Variants in NOCT observed in about 807,000 individuals in gnomAD.
NOCT encodes CCR4 carbon catabolite repression 4-like.
A neutral mutation model predicts 35.0 loss-of-function variants in NOCT; 18 were observed. The observed-to-expected ratio is 0.51, with a 90% CI of 0.36 to 0.76. The LOEUF is 0.76. NOCT is among the 30% of genes least tolerant of loss of function. The probability of loss-of-function intolerance (pLI) is 0.01; values close to 1 mark genes in which losing one functional copy is unlikely to be tolerated. For missense variants in NOCT, 479 were observed against 541.0 expected (o/e 0.89, Z 1.14); for synonymous variants, 235 against 226.3 (o/e 1.04, Z -0.34).
chr4:139,035,274 C>T (rs1308055226), intron 1 of NOCT, among the ~76,000 whole-genome samples: 1 of 152,086 alleles, frequency 6.6e-6, no homozygotes, highest in Non-Finnish European at 1.5e-5. Flanking sequence ...CAGTGCACAC[C>T]ACTACACCTG....
At chr4:139,033,057 T>TC (rs536488171) in intron 1 of NOCT, among the ~76,000 whole-genome samples, 211 of 151,242 alleles carry the variant, frequency 1.4e-3, no homozygotes, top group African/African-American at 4.9e-3. Context: ...AGAGCGAGAC[T>TC]CCATCTCCAA....
intron 1 of NOCT, among the ~76,000 whole-genome samples, chr4:139,019,536 A>C (rs930490705): frequency 6.6e-6 from 1 of 152,218 alleles, no homozygotes; most frequent in African/African-American, 2.4e-5. Context: ...AGAGACATTG[A>C]AGGGGCCAAA....
In NOCT at chr4:139,016,134, G is replaced by T. The variant is rs1393048162; in HGVS notation, c.153G>T (p.Ser51=). 4.7e-6 allele frequency: 6 copies of T among 1,281,592 alleles called. No homozygotes were observed. The highest frequency in any genetic ancestry group is 2.7e-5 in the South Asian group (1 of 36,426). 79.4% of individuals were successfully genotyped at this position (1,281,592 alleles called of 1,614,324 possible). Residue 51 remains serine (S), a synonymous_variant, in exon 1 of 3, where the codon TCG becomes TCT. Transcript: ENST00000280614. The part of the protein sequence containing the change: ...PASPRLLAAA[S]AASGAARSCS... ...CCCCCCGGCTGCTGGCGGCGGCCTC[G>T]GCGGCCTCGGGCGCCGCGAGGTCGT...
At chr4:139,035,417 T>C (rs914147027) in intron 1 of NOCT, among the ~76,000 whole-genome samples, 11 of 152,202 alleles carry the variant, frequency 7.2e-5, no homozygotes, top group African/African-American at 2.7e-4. Flanking sequence ...ATTACAGGCA[T>C]GAGCCACCAC....
chr4:139,029,363 G>A (rs1208643646), intron 1 of NOCT, among the ~76,000 whole-genome samples: 3 of 152,238 alleles, frequency 2.0e-5, no homozygotes, highest in Admixed American at 1.3e-4. Flanking sequence ...GTAAACAGTG[G>A]AGCCAGGATT....
chr4:139,045,901 C>A lies in NOCT; in HGVS notation c.*427C>A, dbSNP rs1383532370. The A allele has an allele frequency of 6.5e-6, 1 of 153,822 alleles. No homozygotes were observed. The highest frequency in any genetic ancestry group is 1.4e-5 in the Non-Finnish European group (1 of 69,022). 9.5% of individuals were successfully genotyped at this position (153,822 alleles called of 1,614,324 possible). A position where few individuals can be genotyped will look rare whatever the true frequency, so the allele number is the denominator to read the frequency against. On this transcript the variant is annotated 3_prime_UTR_variant, in exon 3 of 3. Transcript: ENST00000280614. ...AAAAGACTCCCTTTAGTCCCTTTTTCAATTAAAACCTATGGTGAAAAAGGC... is the reference window on the plus strand; with the variant it reads ...AAAAGACTCCCTTTAGTCCCTTTTTAAATTAAAACCTATGGTGAAAAAGGC...
At chr4:139,034,766 G>A (rs1440968500) in intron 1 of NOCT, among the ~76,000 whole-genome samples, 1 of 152,050 alleles carries the variant, frequency 6.6e-6, no homozygotes, top group Non-Finnish European at 1.5e-5. Context: ...TCATCATGTT[G>A]CTTAGGCTGA....
intron 1 of NOCT, among the ~76,000 whole-genome samples, chr4:139,040,940 A>C (rs1309642713): frequency 6.6e-6 from 1 of 152,196 alleles, no homozygotes; most frequent in African/African-American, 2.4e-5. Context: ...AGACTTTCAA[A>C]ACTTGTACTG....
At chr4:139,029,999 C>G (rs1478073306) in intron 1 of NOCT, among the ~76,000 whole-genome samples, 1 of 152,178 alleles carries the variant, frequency 6.6e-6, no homozygotes, top group Non-Finnish European at 1.5e-5. Context: ...TCAAGCGATT[C>G]TCATGCCTCA....
At position 139,015,890 on chromosome 4, in the gene NOCT, G is replaced by C; in HGVS notation, c.-92G>C. The C allele has an allele frequency of 1.9e-6, 2 of 1,065,744 alleles. No individual in the cohort carries two copies. Among genetic ancestry groups the C allele is most frequent in the East Asian group, 3.6e-5 (1 of 27,502 alleles). The allele number at this position is 1,065,744 out of a possible 1,614,324, so 66.0% of individuals were successfully genotyped here. A position where few individuals can be genotyped will look rare whatever the true frequency, so the allele number is the denominator to read the frequency against. The stretch of plus-strand genomic sequence containing the variant: ...GAGCCTGGGAGCATCCGCCCACACT[G>C]CCCGGACAGTCGGCTCGACTCGGTG... On this transcript the variant is annotated 5_prime_UTR_variant, in exon 1 of 3. Transcript: ENST00000280614.
chr4:139,027,543 A>G (rs1160361973), intron 1 of NOCT, among the ~76,000 whole-genome samples: 1 of 151,660 alleles, frequency 6.6e-6, no homozygotes, highest in Non-Finnish European at 1.5e-5. Context: ...TCTGTCGCCC[A>G]GGCTGGAGTG....
intron 1 of NOCT, among the ~76,000 whole-genome samples, chr4:139,017,558 C>G (rs528411601): frequency 6.9e-6 from 1 of 144,570 alleles, no homozygotes; most frequent in Admixed American, 6.9e-5. Context: ...AGGCCGGGCG[C>G]GGTGGCTCAC....
intron 1 of NOCT, among the ~76,000 whole-genome samples, chr4:139,040,665 A>G (rs569019671): frequency 5.9e-5 from 9 of 152,302 alleles, no homozygotes; most frequent in South Asian, 2.1e-4. Flanking sequence ...GGGCAGTCCT[A>G]TTGAAACTGA....
chr4:139,023,584 C>T (rs1726460129), intron 1 of NOCT, among the ~76,000 whole-genome samples: 2 of 152,156 alleles, frequency 1.3e-5, no homozygotes, highest in Admixed American at 1.3e-4. Context: ...CAACCTCCGT[C>T]TCCCGGGTTC....
intron 1 of NOCT, among the ~76,000 whole-genome samples, chr4:139,041,333 A>T (rs1197140647): frequency 6.6e-6 from 1 of 152,210 alleles, no homozygotes; most frequent in Admixed American, 6.5e-5. Flanking sequence ...CAAATTTTAT[A>T]AAGAAAACTT....
At chr4:139,036,674 T>A (rs1332146889) in intron 1 of NOCT, among the ~76,000 whole-genome samples, 1 of 152,196 alleles carries the variant, frequency 6.6e-6, no homozygotes, top group Non-Finnish European at 1.5e-5. Flanking sequence ...ACTTGCCAAT[T>A]TTTTTAGGGG....
chr4:139,033,138 G>T (rs941953761), intron 1 of NOCT, among the ~76,000 whole-genome samples: 4 of 152,178 alleles, frequency 2.6e-5, no homozygotes, highest in African/African-American at 9.7e-5. Flanking sequence ...GCCAAGGTGG[G>T]TGGATCACTT....
At chr4:139,026,553 CTT>C (rs112368628) in intron 1 of NOCT, among the ~76,000 whole-genome samples, 14 of 140,496 alleles carry the variant, frequency 1.0e-4, no homozygotes, top group Admixed American at 1.4e-4. Context: ...TTTCATACTT[CTT>C]TTTTTTTTTT....
At chr4:139,033,903 C>T (rs1726671012) in intron 1 of NOCT, among the ~76,000 whole-genome samples, 1 of 151,870 alleles carries the variant, frequency 6.6e-6, no homozygotes, top group Admixed American at 6.6e-5. Context: ...TTTTTAATTA[C>T]ATCTAGATAC....
Sources: gnomAD v4.1 joint callset for allele counts (sites outside exome capture counted in the v4.1 genomes callset) on GRCh38, gnomAD v4.1.1 for gene constraint, MANE v1.5 for transcripts, NCBI Gene and HGNC (gene_info 2026-07-23, HGNC 2026-07-21) for gene names.